The following GFOD1 variants were observed in gnomAD, a reference collection of about 807,000 sequenced individuals.
GFOD1 encodes the protein glucose-fructose oxidoreductase domain-containing protein 1.
A neutral mutation model predicts 25.4 loss-of-function variants in GFOD1; 9 were observed. That is an observed-to-expected ratio of 0.35 (90% CI 0.21 to 0.62). The LOEUF is 0.62. Ranked by LOEUF, GFOD1 falls within the 20% of genes least tolerant of loss-of-function variation. The pLI is 0.72. For synonymous variants in GFOD1, 253 were observed against 245.6 expected (o/e 1.03, Z -0.28); for missense variants, 403 against 556.9 (o/e 0.72, Z 2.78).
chr6:13,373,442 G>A (rs1785188737), intron 1 of GFOD1, among the ~76,000 whole-genome samples: 1 of 152,136 alleles, frequency 6.6e-6, no homozygotes, highest in Admixed American at 6.6e-5. Context: ...ATATCCTGAT[G>A]CACAGTTTTC....
In GFOD1 at chr6:13,469,849, C is replaced by T. The variant is rs113644938; in HGVS notation, c.253+16789G>A. 288 of 1,179,464 alleles carry T rather than the reference C, an allele frequency of 2.4e-4. 1 individual carries two copies. In the South Asian group the frequency reaches 2.9e-3, roughly 12 times the overall value. 73.1% of individuals were successfully genotyped at this position (1,179,464 alleles called of 1,614,324 possible). A position where few individuals can be genotyped will look rare whatever the true frequency, so the allele number is the denominator to read the frequency against. ...TCCACATTGGAGGTTGGCCATGAGA[C>T]GTAAATGAGTAACACTCGTACTATG... is the stretch of plus-strand genomic sequence containing the variant. On this transcript the variant is annotated intron_variant, in intron 1 of 1. Coordinates refer to ENST00000379287, the MANE Select transcript of GFOD1 (RefSeq NM_018988.4).
chr6:13,445,875 C>T (rs1584656664), intron 1 of GFOD1, among the ~76,000 whole-genome samples: 2 of 152,238 alleles, frequency 1.3e-5, no homozygotes, highest in East Asian at 3.8e-4. Context: ...TCCTACACCT[C>T]TCAGGTGGAC....
In GFOD1 at chr6:13,486,560, G is replaced by C. The variant is rs542051363; in HGVS notation, c.253+78C>G. The C allele has an allele frequency of 1.2e-4, 146 of 1,227,142 alleles. 3 individuals are homozygous for C. The South Asian group carries it at 1.8e-3, about 16-fold the overall frequency. The allele number at this position is 1,227,142 out of a possible 1,614,324, so 76.0% of individuals were successfully genotyped here. On this transcript the variant is annotated intron_variant, in intron 1 of 1. Transcript: ENST00000379287. ...GGTAAGCTTCTGGGATGCGGAGAGG[G>C]AAAGGCAGGGGGGAAGGAACCTAGA...
intron 1 of GFOD1, among the ~76,000 whole-genome samples, chr6:13,382,949 T>G (rs371665282): frequency 6.6e-5 from 10 of 152,340 alleles, no homozygotes; most frequent in African/African-American, 2.4e-4. Context: ...GTTAGTTTGC[T>G]GAGGATAATG....
chr6:13,373,782 T>A (rs1170468065), intron 1 of GFOD1, among the ~76,000 whole-genome samples: 1 of 139,150 alleles, frequency 7.2e-6, no homozygotes, highest in African/African-American at 3.2e-5. Context: ...ACTACGCTTT[T>A]TTTTTTTTTT....
chr6:13,440,752 C>A (rs1442521002), intron 1 of GFOD1, among the ~76,000 whole-genome samples: 1 of 152,106 alleles, frequency 6.6e-6, no homozygotes, highest in Non-Finnish European at 1.5e-5. Flanking sequence ...GGGTAATTAC[C>A]CTAACATCCC....
intron 1 of GFOD1, among the ~76,000 whole-genome samples, chr6:13,476,682 A>C (rs137992025): frequency 4.6e-5 from 7 of 152,348 alleles, no homozygotes; most frequent in African/African-American, 1.7e-4. Flanking sequence ...TTATAGTTTC[A>C]GTTTAAGGAC....
chr6:13,449,442 C>A (rs1345864479), intron 1 of GFOD1, among the ~76,000 whole-genome samples: 1 of 152,180 alleles, frequency 6.6e-6, no homozygotes, highest in Non-Finnish European at 1.5e-5. Flanking sequence ...CAGAACAGAA[C>A]TCTATGGGTA....
chr6:13,416,944 C>G (rs1225820753), intron 1 of GFOD1, among the ~76,000 whole-genome samples: 1 of 152,144 alleles, frequency 6.6e-6, no homozygotes, highest in African/African-American at 2.4e-5. Context: ...GAAGAGGACC[C>G]AGGGTAGAGC....
Position 13,381,909 on chromosome 6 carries a change from G to A in GFOD1, c.254-16247C>T, listed in dbSNP as rs919591248. 3.6e-4 allele frequency among the ~76,000 whole-genome samples: 32 copies of A among 88,770 alleles called. No individual in the cohort carries two copies. In the South Asian group the frequency reaches 3.7e-3, roughly 10 times the overall value. The allele number at this position is 88,770 out of a possible 152,430, so 58.2% of individuals were successfully genotyped here. ...AGTAAGAGAAATAAAACACACACGC[G>A]CGCGCGCACACACACACACACACAC... is the stretch of plus-strand genomic sequence containing the variant. On this transcript the variant is annotated intron_variant, in intron 1 of 1. Transcript: ENST00000379287.
In GFOD1 at chr6:13,359,998, G is replaced by A. The variant is rs1468012246; in HGVS notation, c.*4745C>T. The A allele has an allele frequency of 1.3e-5, 2 of 151,176 alleles. No homozygotes were observed. Among genetic ancestry groups the A allele is most frequent in the Admixed American group, 1.3e-4 (2 of 15,196 alleles). The allele number at this position is 151,176 out of a possible 1,614,324, so 9.4% of individuals were successfully genotyped here. ...TTTCCCTGCAACTGCTCAGCGAATT[G>A]AGGTCCAATGCAGGTCTAATTCCAA... On this transcript the variant is annotated 3_prime_UTR_variant, in exon 2 of 2. Coordinates refer to ENST00000379287, the MANE Select transcript of GFOD1 (RefSeq NM_018988.4).
At chr6:13,446,372 T>C (rs139383799) in intron 1 of GFOD1, among the ~76,000 whole-genome samples, 1 of 152,176 alleles carries the variant, frequency 6.6e-6, no homozygotes, top group Non-Finnish European at 1.5e-5. Context: ...CAGAGAACTG[T>C]ATGTGTTAGA....
chr6:13,409,121 G>GAAAA (rs1184244508), intron 1 of GFOD1, among the ~76,000 whole-genome samples: 2 of 61,944 alleles, frequency 3.2e-5, no homozygotes, highest in Admixed American at 2.5e-4. Flanking sequence ...AAGAAAGAAA[G>GAAAA]AAAGAAAGAA....
chr6:13,487,069 C>T lies in GFOD1; in HGVS notation c.-179G>A. 1.4e-6 allele frequency: 1 copy of T among 694,824 alleles called. No homozygotes were observed. Among genetic ancestry groups the T allele is most frequent in the Non-Finnish European group, 2.4e-6 (1 of 425,474 alleles). The allele number at this position is 694,824 out of a possible 1,614,324, so 43.0% of individuals were successfully genotyped here. On this transcript the variant is annotated 5_prime_UTR_variant, in exon 1 of 2. Coordinates refer to ENST00000379287, the MANE Select transcript of GFOD1 (RefSeq NM_018988.4). This position sits in a 1 kb window ranked among gnomAD's most constrained non-coding sequence, Gnocchi z 4.9. ...AGAGCGCACCGAGCTGCAGGCGGAG[C>T]AAGCTCGGGGCGCCTCAGAACGGTG...
chr6:13,474,457 T>C (rs540788437), intron 1 of GFOD1, among the ~76,000 whole-genome samples: 164 of 152,324 alleles, frequency 1.1e-3, no homozygotes, highest in Non-Finnish European at 1.9e-3. Flanking sequence ...AGACTGGCAC[T>C]GGGAAGCTTA....
chr6:13,469,439 T>C, intron 1 of GFOD1: 1 of 986,278 alleles, frequency 1.0e-6, no homozygotes, highest in Non-Finnish European at 1.2e-6. Context: ...AATTAGATGA[T>C]GCAAGTTCCA....
chr6:13,412,858 T>A (rs1562211121), intron 1 of GFOD1, among the ~76,000 whole-genome samples: 1 of 152,250 alleles, frequency 6.6e-6, no homozygotes, highest in Non-Finnish European at 1.5e-5. Context: ...TGAGCAAAGC[T>A]ATTATCAAAT....
At chr6:13,368,384 T>G (rs1229566583) in intron 1 of GFOD1, among the ~76,000 whole-genome samples, 1 of 151,726 alleles carries the variant, frequency 6.6e-6, no homozygotes, top group Non-Finnish European at 1.5e-5. Context: ...GGCAGAGAGA[T>G]AAGATAACAT....
intron 1 of GFOD1, among the ~76,000 whole-genome samples, chr6:13,384,474 G>A (rs9474068): frequency 0.057 from 8,661 of 152,204 alleles, 815 homozygotes; most frequent in African/African-American, 0.19. Flanking sequence ...GAATGTCTGC[G>A]TCCTCCTACT....
Sources: gnomAD v4.1 joint callset for allele counts (sites outside exome capture counted in the v4.1 genomes callset) on GRCh38, gnomAD v4.1.1 for gene constraint, Gnocchi (gnomAD v3.1) non-coding constraint, MANE v1.5 for transcripts, NCBI Gene and HGNC (gene_info 2026-07-23, HGNC 2026-07-21) for gene names.